Variants in ZNF804B observed in about 807,000 individuals in gnomAD.
The protein encoded by ZNF804B is zinc finger 804B.
ZNF804B carries 80 observed loss-of-function variants against 101.4 expected under a neutral mutation model. The observed-to-expected ratio is 0.79, with a 90% CI of 0.66 to 0.95. ZNF804B has a LOEUF of 0.95. Among genes scored for constraint, ZNF804B ranks in the 40% least tolerant of loss-of-function variants. The pLI is 0.00. For missense variants in ZNF804B, 1,673 were observed against 1,561.9 expected (o/e 1.07, Z -1.20); for synonymous variants, 622 against 558.8 (o/e 1.11, Z -1.59).
intron 1 of ZNF804B, among the ~76,000 whole-genome samples, chr7:89,173,337 TTAAA>T (rs1211124945): frequency 1.3e-5 from 2 of 152,102 alleles, no homozygotes; most frequent in East Asian, 1.9e-4. Flanking sequence ...TTTGAGTAAT[TTAAA>T]TAAGTTAAAT....
chr7:88,814,431 C>G (rs1360653885), intron 1 of ZNF804B, among the ~76,000 whole-genome samples: 2 of 150,084 alleles, frequency 1.3e-5, no homozygotes, highest in Non-Finnish European at 3.0e-5. Flanking sequence ...CAATCACTGT[C>G]TCTTACCTCC....
intron 1 of ZNF804B, among the ~76,000 whole-genome samples, chr7:88,966,005 T>A (rs1793448173): frequency 6.6e-6 from 1 of 151,524 alleles, no homozygotes; most frequent in Non-Finnish European, 1.5e-5. Flanking sequence ...TTAATATATG[T>A]GTTATCTTAA....
chr7:88,877,058 T>A (rs1210196664), intron 1 of ZNF804B, among the ~76,000 whole-genome samples: 122 of 66,024 alleles, frequency 1.8e-3, no homozygotes, highest in African/African-American at 0.01. Flanking sequence ...TATTTTTTTT[T>A]TTTTTTTTTT....
intron 1 of ZNF804B, among the ~76,000 whole-genome samples, chr7:88,948,210 G>T (rs955521906): frequency 1.3e-5 from 2 of 151,410 alleles, no homozygotes; most frequent in Non-Finnish European, 2.9e-5. Flanking sequence ...GGGTATTACT[G>T]GGTCTCTATG....
At chr7:89,198,759 C>CA (rs897441174) in intron 1 of ZNF804B, among the ~76,000 whole-genome samples, 7 of 151,434 alleles carry the variant, frequency 4.6e-5, no homozygotes, top group South Asian at 2.1e-4. Flanking sequence ...AAAACAAGTA[C>CA]AGAAAAACAA....
In ZNF804B at chr7:88,908,458, G is replaced by A. The variant is rs550950094; in HGVS notation, c.108+148374G>A. 2.6e-5 allele frequency among the ~76,000 whole-genome samples: 4 copies of A among 151,690 alleles called. No homozygotes were observed. The South Asian group carries it at 8.3e-4, about 31-fold the overall frequency. The stretch of plus-strand genomic sequence containing the variant: ...AAACAATAAAATTAAACTTAGACAA[G>A]CACATCTTTTATTATGAATAAACGT... On this transcript the variant is annotated intron_variant, in intron 1 of 3. Coordinates refer to ENST00000333190, the MANE Select transcript of ZNF804B (RefSeq NM_181646.5).
chr7:89,176,940 G>C (rs62463569), intron 1 of ZNF804B, among the ~76,000 whole-genome samples: 30,661 of 151,844 alleles, frequency 0.2, 3,315 homozygotes, highest in Non-Finnish European at 0.23. Context: ...GCTCATAGTA[G>C]TCTGTAATGA....
intron 1 of ZNF804B, among the ~76,000 whole-genome samples, chr7:88,825,958 A>G (rs1791045571): frequency 6.6e-6 from 1 of 152,132 alleles, no homozygotes; most frequent in African/African-American, 2.4e-5. Flanking sequence ...CTTTTTGTGA[A>G]GTCAGTTTTG....
At chr7:89,059,063 A>G (rs1424091735) in intron 1 of ZNF804B, among the ~76,000 whole-genome samples, 1 of 152,162 alleles carries the variant, frequency 6.6e-6, no homozygotes, top group East Asian at 1.9e-4. Flanking sequence ...TAGTGTATTG[A>G]GACTGTACTC....
chr7:88,817,440 A>T (rs976544733), intron 1 of ZNF804B, among the ~76,000 whole-genome samples: 1 of 120,268 alleles, frequency 8.3e-6, no homozygotes, highest in African/African-American at 3.3e-5. Context: ...ATAGGCAGTT[A>T]GCGCTACCAA....
chr7:89,177,158 G>A (rs1037727653), intron 1 of ZNF804B, among the ~76,000 whole-genome samples: 4 of 151,740 alleles, frequency 2.6e-5, no homozygotes, highest in Non-Finnish European at 5.9e-5. Context: ...ACTAATTTTG[G>A]GAATAGTTTG....
intron 1 of ZNF804B, among the ~76,000 whole-genome samples, chr7:89,190,445 T>C (rs539187959): frequency 7.8e-4 from 119 of 152,242 alleles, no homozygotes; most frequent in African/African-American, 2.8e-3. Context: ...TTGCTTCTTA[T>C]GAATGAGCAA....
intron 1 of ZNF804B, among the ~76,000 whole-genome samples, chr7:89,018,142 A>C (rs1788601078): frequency 1.3e-5 from 2 of 152,138 alleles, no homozygotes; most frequent in Non-Finnish European, 2.9e-5. Flanking sequence ...GTATGATGCT[A>C]GCTGTGGGTT....
intron 1 of ZNF804B, among the ~76,000 whole-genome samples, chr7:89,208,049 G>A (rs1788741099): frequency 6.7e-6 from 1 of 150,372 alleles, no homozygotes; most frequent in African/African-American, 2.4e-5. Flanking sequence ...AAAGTTCATT[G>A]GTTTATGTGT....
At chr7:89,306,146 C>G (rs1435233595) in intron 2 of ZNF804B, among the ~76,000 whole-genome samples, 3 of 151,962 alleles carry the variant, frequency 2.0e-5, no homozygotes, top group Non-Finnish European at 4.4e-5. Flanking sequence ...AATTTGTATC[C>G]AATCAGCAAA....
chr7:89,268,764 G>A (rs1789837863), intron 2 of ZNF804B, among the ~76,000 whole-genome samples: 2 of 152,058 alleles, frequency 1.3e-5, no homozygotes, highest in South Asian at 4.2e-4. Context: ...CAGAGTGAAT[G>A]CTTCTTTTCT....
chr7:88,832,773 A>G (rs1484876300), intron 1 of ZNF804B, among the ~76,000 whole-genome samples: 2 of 151,978 alleles, frequency 1.3e-5, no homozygotes, highest in Non-Finnish European at 2.9e-5. Flanking sequence ...AACCTAGCCT[A>G]TAGCTCACTG....
At chr7:88,855,880 G>A (rs1210266751) in intron 1 of ZNF804B, among the ~76,000 whole-genome samples, 9 of 152,106 alleles carry the variant, frequency 5.9e-5, no homozygotes, top group Admixed American at 5.9e-4. Flanking sequence ...CCCATTGCTT[G>A]TTTTTGTCAG....
At chr7:89,267,176 A>G (rs1057388538) in intron 2 of ZNF804B, among the ~76,000 whole-genome samples, 1 of 151,818 alleles carries the variant, frequency 6.6e-6, no homozygotes, top group African/African-American at 2.4e-5. Context: ...TTTTTAACCC[A>G]TTCCCTCAAA....
Sources: allele counts gnomAD v4.1 joint callset (sites outside exome capture counted in the v4.1 genomes callset), GRCh38; gene constraint gnomAD v4.1.1; transcripts MANE v1.5; gene names NCBI Gene and HGNC (gene_info 2026-07-23, HGNC 2026-07-21).